PTAR1: variants seen among roughly 807,000 people sequenced by gnomAD.
PTAR1 encodes protein prenyltransferase alpha subunit repeat-containing protein 1.
In PTAR1, 17 loss-of-function variants were observed where a neutral mutation model predicts 45.5. The observed-to-expected ratio is 0.37, with a 90% CI of 0.26 to 0.56. The LOEUF (loss-of-function observed/expected upper bound fraction) is 0.56. PTAR1 is among the 20% of genes least tolerant of loss of function. The pLI is 0.77. For missense variants in PTAR1, 391 were observed against 476.3 expected (o/e 0.82, Z 1.67); for synonymous variants, 169 against 171.3 (o/e 0.99, Z 0.11).
chr9:69,741,880 T>A, intron 2 of PTAR1, 22 bp from the exon 3 acceptor site: 1 of 1,491,442 alleles, frequency 6.7e-7, no homozygotes. Context: ...AGAAGTCATA[T>A]TAAAAACAAA....
intron 5 of PTAR1, among the ~76,000 whole-genome samples, chr9:69,727,024 T>TAC (rs552197853): frequency 1.4e-3 from 94 of 65,874 alleles, no homozygotes; most frequent in African/African-American, 2.9e-3. Context: ...AAATTGTGTA[T>TAC]ATACACACAC....
intron 5 of PTAR1, among the ~76,000 whole-genome samples, chr9:69,729,102 T>C (rs1227101114): frequency 6.6e-6 from 1 of 152,084 alleles, no homozygotes; most frequent in Non-Finnish European, 1.5e-5. Flanking sequence ...GGTGGATTGC[T>C]TGAGGTCAGG....
At chr9:69,746,801 A>C (rs182397701) in intron 2 of PTAR1, among the ~76,000 whole-genome samples, 14 of 152,356 alleles carry the variant, frequency 9.2e-5, no homozygotes, top group Middle Eastern at 3.4e-3. Flanking sequence ...AGAAAAATCA[A>C]TATGCTTTTC....
At chr9:69,727,024 TATAC>T (rs1226440804) in intron 5 of PTAR1, among the ~76,000 whole-genome samples, 28 of 65,876 alleles carry the variant, frequency 4.3e-4, no homozygotes, top group African/African-American at 1.1e-3. Context: ...AAATTGTGTA[TATAC>T]ACACACACAC....
intron 6 of PTAR1, 57 bp downstream of exon 6, chr9:69,723,269 G>A (rs1250442477): frequency 6.9e-7 from 1 of 1,452,232 alleles, no homozygotes; most frequent in Non-Finnish European, 9.6e-7. Context: ...AACACTTTCT[G>A]CAGCTCTCAT....
intron 1 of PTAR1, among the ~76,000 whole-genome samples, chr9:69,753,804 T>G (rs1369071771): frequency 2.0e-5 from 3 of 152,180 alleles, no homozygotes; most frequent in African/African-American, 4.8e-5. Flanking sequence ...TTAGTTTCCA[T>G]TCTATCCACT....
At chr9:69,759,820 G>C (rs1414466972) in intron 1 of PTAR1, 33 bp downstream of exon 1, 6 of 1,508,050 alleles carry the variant, frequency 4.0e-6, no homozygotes, top group Non-Finnish European at 8.9e-7. Flanking sequence ...CGCTCCCGAC[G>C]ACCCTCGGAG....
intron 2 of PTAR1, among the ~76,000 whole-genome samples, chr9:69,748,423 T>TCTAA (rs754351227): frequency 6.6e-6 from 1 of 151,310 alleles, no homozygotes; most frequent in South Asian, 2.1e-4. Context: ...AAAATCAATC[T>TCTAA]CTAACTAACT....
rs780178794 is a variant in PTAR1 at position 69,750,954 on chromosome 9, A to C, written c.87-4T>G. On this transcript the variant is annotated splice_region_variant and splice_polypyrimidine_tract_variant and intron_variant, in intron 1 of 7. Transcript: ENST00000340434. Reference sequence around the variant, plus strand: ...TGGGATCAGGCCAATTTCATCTCTTAATATGTAAAACATAAAAAAGAATTA... The same window carrying C: ...TGGGATCAGGCCAATTTCATCTCTTCATATGTAAAACATAAAAAAGAATTA... The C allele has an allele frequency of 1.1e-5, 17 of 1,544,488 alleles. No homozygotes were observed. Among genetic ancestry groups the C allele is most frequent in the Admixed American group, 4.2e-5 (2 of 47,088 alleles).
At chr9:69,747,467 T>C (rs578080173) in intron 2 of PTAR1, among the ~76,000 whole-genome samples, 1 of 152,326 alleles carries the variant, frequency 6.6e-6, no homozygotes, top group Admixed American at 6.5e-5. Context: ...AATGGAAGAA[T>C]GCTGCTTGTG....
At position 69,718,229 on chromosome 9, in the gene PTAR1, A is replaced by G. The variant is rs1275647156; in HGVS notation, c.*113T>C. On this transcript the variant is annotated 3_prime_UTR_variant, in exon 8 of 8. Coordinates refer to ENST00000340434, the MANE Select transcript of PTAR1 (RefSeq NM_001099666.2). Reference sequence around the variant, plus strand: ...TTTACTATGGACTTTCAACCTAAAGACGAAGAACATATGGTTAGCCAATAA... The same window carrying G: ...TTTACTATGGACTTTCAACCTAAAGGCGAAGAACATATGGTTAGCCAATAA... The G allele has an allele frequency of 3.0e-6, 2 of 673,612 alleles. No individual in the cohort carries two copies. The highest frequency in any genetic ancestry group is 3.6e-5 in the African/African-American group (2 of 55,508). 41.7% of individuals were successfully genotyped at this position (673,612 alleles called of 1,614,324 possible).
At chr9:69,751,068 T>C in intron 1 of PTAR1, 118 bp from the exon 2 acceptor site, 1 of 719,444 alleles carries the variant, frequency 1.4e-6, no homozygotes, top group Non-Finnish European at 2.2e-6. Flanking sequence ...ACAAATATTA[T>C]TTAGCTCACT....
intron 3 of PTAR1, among the ~76,000 whole-genome samples, chr9:69,740,855 C>T (rs1826014803): frequency 6.6e-6 from 1 of 152,018 alleles, no homozygotes; most frequent in South Asian, 2.1e-4. Flanking sequence ...ATATTAAACA[C>T]AAGTATAAAT....
intron 1 of PTAR1, chr9:69,758,047 C>T (rs185340004): frequency 1.7e-4 from 26 of 152,162 alleles, no homozygotes; most frequent in African/African-American, 6.3e-4. Context: ...GACCCAAATC[C>T]TTATTACTAA....
At chr9:69,725,170 G>T (rs1825211227) in intron 5 of PTAR1, among the ~76,000 whole-genome samples, 1 of 152,112 alleles carries the variant, frequency 6.6e-6, no homozygotes, top group African/African-American at 2.4e-5. Context: ...GGATTGAAAA[G>T]AGTACTCCAC....
chr9:69,745,443 G>A (rs542032669), intron 2 of PTAR1, among the ~76,000 whole-genome samples: 1 of 152,298 alleles, frequency 6.6e-6, no homozygotes, highest in African/African-American at 2.4e-5. Context: ...GCTGCTATTT[G>A]TTTGTACTTC....
Position 69,712,298 on chromosome 9 carries a change from A to C in PTAR1, c.*6044T>G, listed in dbSNP as rs532374395. ...CTTAATATGAACAGTTTACATAACTATCTGGTTAATTTGGGCAAATGAGCA... is the reference window on the plus strand; with the variant it reads ...CTTAATATGAACAGTTTACATAACTCTCTGGTTAATTTGGGCAAATGAGCA... On this transcript the variant is annotated 3_prime_UTR_variant, in exon 8 of 8. Transcript: ENST00000340434. 2 of 152,284 alleles carry C rather than the reference A, an allele frequency of 1.3e-5. No homozygotes were observed. The highest frequency in any genetic ancestry group is 3.9e-4 in the East Asian group (2 of 5,184). 9.4% of individuals were successfully genotyped at this position (152,284 alleles called of 1,614,324 possible).
At chr9:69,726,206 A>G (rs1001374701) in intron 5 of PTAR1, among the ~76,000 whole-genome samples, 5 of 152,142 alleles carry the variant, frequency 3.3e-5, no homozygotes, top group African/African-American at 1.2e-4. Context: ...TACTTGTAAC[A>G]TTCTGGCAGA....
At chr9:69,731,736 TC>T (rs1365760416) in intron 5 of PTAR1, among the ~76,000 whole-genome samples, 3 of 151,280 alleles carry the variant, frequency 2.0e-5, no homozygotes, top group Admixed American at 1.3e-4. Flanking sequence ...TGCCCTCCTC[TC>T]CCCCTTTTCA....
Sources: allele counts gnomAD v4.1 joint callset (sites outside exome capture counted in the v4.1 genomes callset), GRCh38; gene constraint gnomAD v4.1.1; transcripts MANE v1.5; gene names NCBI Gene and HGNC (gene_info 2026-07-23, HGNC 2026-07-21).